PPY: variants seen among roughly 807,000 people sequenced by gnomAD.
The protein encoded by PPY is pancreatic polypeptide prohormone.
Under a neutral mutation model 9.3 loss-of-function variants are expected in PPY, and 6 were observed. That is an observed-to-expected ratio of 0.64 (90% CI 0.35 to 1.27). PPY has a LOEUF of 1.27. PPY is among the 50% of genes most tolerant of loss of function. The pLI is 0.03. For missense variants in PPY, 109 were observed against 119.1 expected, an observed-to-expected ratio of 0.91 and a Z score of 0.40; for synonymous variants, 58 against 54.6, an observed-to-expected ratio of 1.06 and a Z score of -0.27.
intron 1 of PPY, among the ~76,000 whole-genome samples, chr17:43,941,881 G>A (rs2055987360): frequency 6.6e-6 from 1 of 152,120 alleles, no homozygotes; most frequent in South Asian, 2.1e-4. Context: ...CCAGGGCCTC[G>A]CAAGTTAGAA....
upstream of PPY, among the ~76,000 whole-genome samples, chr17:43,943,547 A>T (rs1280527820): frequency 6.6e-6 from 1 of 152,076 alleles, no homozygotes; most frequent in Non-Finnish European, 1.5e-5. Context: ...TCCCCTGCCC[A>T]GCGTCTCTTC....
At position 43,941,504 on chromosome 17, in the gene PPY, C is replaced by A; in HGVS notation, c.151G>T (p.Ala51Ser). The A allele has an allele frequency of 6.2e-7, 1 of 1,614,024 alleles. No homozygotes were observed. Among genetic ancestry groups the A allele is most frequent in the South Asian group, 1.1e-5 (1 of 91,076 alleles). Residue 51 changes from alanine to serine, a missense_variant, in exon 2 of 4, where the codon GCT becomes TCT. Physicochemically the swap from Ala to Ser is moderately conservative, Grantham distance 99. Transcript: ENST00000225992. ...ATPEQMAQYA[A>S]DLRRYINMLT... The stretch of plus-strand genomic sequence containing the variant: ...ATGTTGATGTATCTACGGAGATCAG[C>A]TGCATACTGGGCCATCTGCTCTGGT...
Position 43,941,199 on chromosome 17 carries a change from G to A in PPY, c.207C>T (p.His69=), listed in dbSNP as rs1471803133. The A allele has an allele frequency of 6.4e-7, 1 of 1,551,664 alleles. No homozygotes were observed. The part of the protein sequence containing the change: ...MLTRPRYGKR[H]KEDTLAFSEW... ...CCGAGAAGGCCAGCGTGTCCTCTTT[G>A]TGTCTTTTCCCATACCTGGGAGGGA... Residue 69 remains histidine (H), a synonymous_variant, in exon 3 of 4, where the codon CAC becomes CAT. Transcript: ENST00000225992.
chr17:43,944,082 A>G (rs1233599226), upstream of PPY, among the ~76,000 whole-genome samples: 25 of 152,226 alleles, frequency 1.6e-4, no homozygotes, highest in Non-Finnish European at 1.5e-5. Flanking sequence ...GAGGTTTTCC[A>G]CTTGCAAAAC....
chr17:43,941,591 G>A lies in PPY; in HGVS notation c.64C>T (p.Gln22Ter), dbSNP rs1395426296. The A allele has an allele frequency of 3.5e-5, 56 of 1,613,638 alleles. No individual in the cohort carries two copies. Among genetic ancestry groups the A allele is most frequent in the Non-Finnish European group, 4.6e-5 (54 of 1,179,988 alleles). The change falls in exon 2 of 4, where the codon CAG (glutamine) becomes TAG (stop). Residue 22 changes from glutamine (Q) to a stop codon, truncating the protein, a stop_gained. Coordinates refer to ENST00000225992, the MANE Select transcript of PPY (RefSeq NM_002722.5). LOFTEE classifies it high-confidence loss of function. ...GCTCCCTGGGCACCCAGCAGTGGCT[G>A]TAGTAACAGAGCCACGCAGGTGGAC... ...LLSTCVALLL[Q>*]PLLGAQGAPL...
chr17:43,941,450 A>C lies in PPY; in HGVS notation c.191+14T>G, dbSNP rs201865506. 6.2e-7 allele frequency: 1 copy of C among 1,613,674 alleles called. No homozygotes were observed. The highest frequency in any genetic ancestry group is 1.3e-5 in the African/African-American group (1 of 75,016). The stretch of plus-strand genomic sequence containing the variant: ...CCAGGGGCTGGGATCTCTCTCCCCA[A>C]CTGTGGCACACACCTAGGCCTGGTC... On this transcript the variant is annotated intron_variant, in intron 2 of 3. Coordinates refer to ENST00000225992, the MANE Select transcript of PPY (RefSeq NM_002722.5).
At chr17:43,941,358 C>G in intron 2 of PPY, 106 bp downstream of exon 2, 2 of 1,550,598 alleles carry the variant, frequency 1.3e-6, no homozygotes. Context: ...CAAGAGCAGG[C>G]CTGGAAGGGG....
chr17:43,941,191 T>C lies in PPY; in HGVS notation c.215A>G (p.Asp72Gly). Reference sequence around the variant, plus strand: ...CCCCCACTCCGAGAAGGCCAGCGTGTCCTCTTTGTGTCTTTTCCCATACCT... The same window carrying C: ...CCCCCACTCCGAGAAGGCCAGCGTGCCCTCTTTGTGTCTTTTCCCATACCT... ...RPRYGKRHKE[D>G]TLAFSEWGSP... Residue 72 changes from aspartate (D) to glycine (G), a missense_variant, in exon 3 of 4, where the codon GAC (aspartate) becomes GGC (glycine). Physicochemically the swap from Asp to Gly is moderately conservative, Grantham distance 94 (BLOSUM62 -1). Transcript: ENST00000225992. 6.4e-7 allele frequency: 1 copy of C among 1,551,618 alleles called. No homozygotes were observed.
intron 2 of PPY, 112 bp downstream of exon 2, chr17:43,941,352 A>AG: frequency 1.3e-6 from 2 of 1,538,968 alleles, no homozygotes; most frequent in Non-Finnish European, 1.8e-6. Flanking sequence ...TTTTCCCAAG[A>AG]GCAGGCCTGG....
Position 43,940,846 on chromosome 17 carries a change from C to A in PPY, c.*82G>T. 6.5e-7 allele frequency: 1 copy of A among 1,529,792 alleles called. No homozygotes were observed. Among genetic ancestry groups the A allele is most frequent in the Non-Finnish European group, 8.9e-7 (1 of 1,124,130 alleles). The allele number at this position is 1,529,792 out of a possible 1,614,324, so 94.8% of individuals were successfully genotyped here. A position where few individuals can be genotyped will look rare whatever the true frequency, so the allele number is the denominator to read the frequency against. On this transcript the variant is annotated 3_prime_UTR_variant, in exon 4 of 4. Transcript: ENST00000225992. ...ATTGAGCCTGTGTGGGAGCAGGGAG[C>A]AAGCTTTGGCCAGAGCCAAGGGTGC...
chr17:43,941,233 C>T lies in PPY; in HGVS notation c.192-19G>A, dbSNP rs1218189250. The stretch of plus-strand genomic sequence containing the variant: ...CCCATACCTGGGAGGGAAGAGGCAG[C>T]AGGGGCAAGCACTGTGCCCAGGTGC... On this transcript the variant is annotated intron_variant, in intron 2 of 3. Coordinates refer to ENST00000225992, the MANE Select transcript of PPY (RefSeq NM_002722.5). 6.4e-7 allele frequency: 1 copy of T among 1,551,058 alleles called. No individual in the cohort carries two copies. Among genetic ancestry groups the T allele is most frequent in the Admixed American group, 2.0e-5 (1 of 50,996 alleles).
chr17:43,941,966 A>T (rs892022232), intron 1 of PPY, among the ~76,000 whole-genome samples: 1 of 152,178 alleles, frequency 6.6e-6, no homozygotes, highest in African/African-American at 2.4e-5. Context: ...CATGGCTCCC[A>T]GGAGGCAGCA....
At chr17:43,942,904 T>C (rs535562961), upstream of PPY, among the ~76,000 whole-genome samples, 1 of 152,292 alleles carries the variant, frequency 6.6e-6, no homozygotes, top group East Asian at 1.9e-4. The surrounding 1 kb of genome is among the most constrained non-coding windows in gnomAD (Gnocchi z 5.3). Flanking sequence ...AGACTGAGGC[T>C]ACAGCCAGAG....
intron 3 of PPY, 91 bp downstream of exon 3, chr17:43,941,052 C>T: frequency 6.5e-7 from 1 of 1,546,478 alleles, no homozygotes; most frequent in Non-Finnish European, 8.8e-7. Context: ...TCTTCCACCC[C>T]CCACTACACC....
In PPY at chr17:43,941,188, G is replaced by A. The variant is rs145279967; in HGVS notation, c.218C>T (p.Thr73Met). The change falls in exon 3 of 4, where the codon ACG becomes ATG. Residue 73 changes from threonine (T) to methionine (M), a missense_variant. By Grantham distance (81) the Thr-to-Met change is moderately conservative. Coordinates refer to ENST00000225992, the MANE Select transcript of PPY (RefSeq NM_002722.5). Reference protein sequence around the residue: ...PRYGKRHKEDTLAFSEWGSPH... With the variant: ...PRYGKRHKEDMLAFSEWGSPH... ...GGACCCCCACTCCGAGAAGGCCAGC[G>A]TGTCCTCTTTGTGTCTTTTCCCATA... The A allele has an allele frequency of 5.4e-4, 838 of 1,551,658 alleles. 5 individuals are homozygous for A. In the African/African-American group the frequency reaches 9.9e-3, roughly 18 times the overall value.
chr17:43,944,007 T>C (rs937724017), upstream of PPY, among the ~76,000 whole-genome samples: 2 of 152,204 alleles, frequency 1.3e-5, no homozygotes, highest in Non-Finnish European at 2.9e-5. Context: ...ACCAGACAAC[T>C]TACATTCCAC....
In PPY at chr17:43,941,568, T is replaced by C. The variant is rs751041467; in HGVS notation, c.87A>G (p.Gly29=). 6 of 1,613,722 alleles carry C rather than the reference T, an allele frequency of 3.7e-6. No homozygotes were observed. In the Admixed American group the frequency reaches 5.0e-5, roughly 13 times the overall value. The change falls in exon 2 of 4, where the codon GGA becomes GGG. Residue 29 remains glycine (G), a synonymous_variant. Coordinates refer to ENST00000225992, the MANE Select transcript of PPY (RefSeq NM_002722.5). ...LLLQPLLGAQ[G]APLEPVYPGD... is the part of the protein sequence containing the mutation. ...CTGGGTACACTGGCTCCAGTGGGGCTCCCTGGGCACCCAGCAGTGGCTGTA... is the reference window on the plus strand; with the variant it reads ...CTGGGTACACTGGCTCCAGTGGGGCCCCCTGGGCACCCAGCAGTGGCTGTA...
At chr17:43,943,446 G>A (rs1461829184), upstream of PPY, among the ~76,000 whole-genome samples, 2 of 152,078 alleles carry the variant, frequency 1.3e-5, no homozygotes, top group Admixed American at 6.6e-5. Context: ...AGGTAAAGAC[G>A]CTTGCTCAAG....
At chr17:43,941,061 C>G (rs2048572298) in intron 3 of PPY, 82 bp downstream of exon 3, 1 of 1,546,500 alleles carries the variant, frequency 6.5e-7, no homozygotes, top group Non-Finnish European at 8.8e-7. Context: ...CCCCACTACA[C>G]CTTTCCAAGC....
Sources: gnomAD v4.1 joint callset for allele counts (sites outside exome capture counted in the v4.1 genomes callset) on GRCh38, gnomAD v4.1.1 for gene constraint, Gnocchi (gnomAD v3.1) non-coding constraint, MANE v1.5 for transcripts, NCBI Gene and HGNC (gene_info 2026-07-23, HGNC 2026-07-21) for gene names.